PALM2AKAP2: variants seen among roughly 807,000 people sequenced by gnomAD.
The protein encoded by PALM2AKAP2 is PALM2-AKAP2 fusion protein.
A neutral mutation model predicts 71.5 loss-of-function variants in PALM2AKAP2; 37 were observed. The observed-to-expected ratio is 0.52, with a 90% CI of 0.40 to 0.68. The LOEUF is 0.68. Ranked by LOEUF, PALM2AKAP2 falls within the 30% of genes least tolerant of loss-of-function variation. PALM2AKAP2 has a pLI of 0.00. For synonymous variants in PALM2AKAP2, 468 were observed against 478.8 expected, an observed-to-expected ratio of 0.98 and a Z score of 0.29; for missense variants, 1,224 against 1,191.8, an observed-to-expected ratio of 1.03 and a Z score of -0.40.
chr9:110,075,390 A>C (rs971500133), intron 1 of PALM2AKAP2, among the ~76,000 whole-genome samples: 1 of 152,246 alleles, frequency 6.6e-6, no homozygotes, highest in East Asian at 1.9e-4. Context: ...AAAAACATAT[A>C]ATTTCCCTCT....
chr9:109,676,086 G>A (rs1233043215), intron 1 of PALM2AKAP2, among the ~76,000 whole-genome samples: 1 of 152,170 alleles, frequency 6.6e-6, no homozygotes. Context: ...ATGGAGTTGG[G>A]TAGAGAAAAG....
intron 7 of PALM2AKAP2, among the ~76,000 whole-genome samples, chr9:110,028,481 G>T (rs375214646): frequency 5.3e-4 from 80 of 152,268 alleles, no homozygotes; most frequent in African/African-American, 1.6e-3. Context: ...TCCTCCAGAT[G>T]ACTCTGCTAA....
chr9:110,095,576 G>T lies in PALM2AKAP2; in HGVS notation c.157-40551G>T, dbSNP rs1588106042. On this transcript the variant is annotated intron_variant, in intron 1 of 3. Transcript: ENST00000374525. ...ATGTGGACCCTCAGCTATGAAAACA[G>T]ATCACATATGGCCTGCTGTCAAGCA... is the stretch of plus-strand genomic sequence containing the variant. 3.3e-5 allele frequency among the ~76,000 whole-genome samples: 5 copies of T among 152,102 alleles called. No homozygotes were observed. The South Asian group carries it at 1.0e-3, about 32-fold the overall frequency.
chr9:109,846,508 C>T (rs1292469980), intron 1 of PALM2AKAP2, among the ~76,000 whole-genome samples: 1 of 152,208 alleles, frequency 6.6e-6, no homozygotes, highest in Non-Finnish European at 1.5e-5. Context: ...GAGAAGGCAC[C>T]AGGCCTACTG....
chr9:109,845,651 G>C (rs758089829), intron 1 of PALM2AKAP2, among the ~76,000 whole-genome samples: 3 of 152,166 alleles, frequency 2.0e-5, no homozygotes, highest in Non-Finnish European at 4.4e-5. Context: ...GAGAACTCTA[G>C]CTGGTCTCAG....
intron 1 of PALM2AKAP2, among the ~76,000 whole-genome samples, chr9:110,118,584 G>C (rs1835417917): frequency 6.6e-6 from 1 of 152,060 alleles, no homozygotes; most frequent in African/African-American, 2.4e-5. Flanking sequence ...TCTCCTCCAG[G>C]TGCCTAATCA....
chr9:109,942,650 G>A lies in PALM2AKAP2; in HGVS notation c.496+10622G>A, dbSNP rs200223091. On this transcript the variant is annotated intron_variant, in intron 6 of 9. Transcript: ENST00000302798. ...TAACCATTCACTGGCTTTTTTTGTTGTAACATGCACTTCCTTTCTCTTGTT... is the reference window on the plus strand; with the variant it reads ...TAACCATTCACTGGCTTTTTTTGTTATAACATGCACTTCCTTTCTCTTGTT... 23 of 1,509,154 alleles carry A rather than the reference G, an allele frequency of 1.5e-5. No individual in the cohort carries two copies. In the East Asian group the frequency reaches 5.0e-4, roughly 33 times the overall value. 93.5% of individuals were successfully genotyped at this position (1,509,154 alleles called of 1,614,324 possible).
intron 3 of PALM2AKAP2, among the ~76,000 whole-genome samples, chr9:110,165,324 ACACACG>A (rs1836709588): frequency 7.0e-6 from 1 of 141,926 alleles, no homozygotes; most frequent in Non-Finnish European, 1.6e-5. Flanking sequence ...ACACACACAC[ACACACG>A]TCTGAATTAA....
At chr9:109,895,688 T>C (rs1201506853) in intron 3 of PALM2AKAP2, among the ~76,000 whole-genome samples, 1 of 152,224 alleles carries the variant, frequency 6.6e-6, no homozygotes, top group Non-Finnish European at 1.5e-5. Context: ...AGTGCTGTCA[T>C]ATGCCATGAC....
intron 1 of PALM2AKAP2, among the ~76,000 whole-genome samples, chr9:109,792,324 G>A (rs1200345523): frequency 1.3e-5 from 2 of 152,192 alleles, no homozygotes; most frequent in South Asian, 2.1e-4. Flanking sequence ...ACTGGGTCTC[G>A]CTATGTTGCT....
At chr9:110,127,107 G>A (rs1015997551) in intron 1 of PALM2AKAP2, among the ~76,000 whole-genome samples, 3 of 152,178 alleles carry the variant, frequency 2.0e-5, no homozygotes, top group Non-Finnish European at 2.9e-5. Context: ...GACCAATACC[G>A]TAGAAGCTCT....
At chr9:110,048,636 C>A, upstream of PALM2AKAP2, 4 of 1,448,404 alleles carry the variant, frequency 2.8e-6, no homozygotes, top group Admixed American at 1.0e-4. Context: ...AGGGGCGGGC[C>A]CCAGGAGCAG....
At chr9:109,910,483 T>A (rs1252588976) in intron 3 of PALM2AKAP2, among the ~76,000 whole-genome samples, 1 of 152,148 alleles carries the variant, frequency 6.6e-6, no homozygotes, top group East Asian at 1.9e-4. Context: ...ATAAGAACAA[T>A]AAAACAAATA....
intron 1 of PALM2AKAP2, among the ~76,000 whole-genome samples, chr9:109,749,359 T>C (rs1828851450): frequency 6.6e-6 from 1 of 151,966 alleles, no homozygotes; most frequent in Non-Finnish European, 1.5e-5. Flanking sequence ...AAGTCCCTAG[T>C]GCTGGGGAAT....
At chr9:110,125,860 G>A (rs373607887) in intron 1 of PALM2AKAP2, among the ~76,000 whole-genome samples, 1 of 151,722 alleles carries the variant, frequency 6.6e-6, no homozygotes, top group African/African-American at 2.4e-5. Context: ...TGCACATATA[G>A]TGCAAAGCTA....
At chr9:109,733,459 G>GA (rs1173554157) in intron 1 of PALM2AKAP2, among the ~76,000 whole-genome samples, 2 of 152,154 alleles carry the variant, frequency 1.3e-5, no homozygotes, top group African/African-American at 4.8e-5. Flanking sequence ...GGCAGAGTGA[G>GA]AACAGAGGCT....
chr9:109,810,430 G>T (rs757319784), intron 1 of PALM2AKAP2, among the ~76,000 whole-genome samples: 2 of 152,188 alleles, frequency 1.3e-5, no homozygotes, highest in African/African-American at 4.8e-5. Context: ...CTAGAAAGGG[G>T]CAGTGACCAT....
rs1489043914 is a variant in PALM2AKAP2 at position 109,702,726 on chromosome 9, G to A, written c.5+61860G>A. ...ACATGTACCTGCATGTTGTGCACAT[G>A]TGCCCTAAAACTTAAGGTATAATAA... On this transcript the variant is annotated intron_variant, in intron 1 of 6. Transcript: ENST00000374531. 1.1e-4 allele frequency among the ~76,000 whole-genome samples: 17 copies of A among 149,546 alleles called. 1 individual carries two copies. Among genetic ancestry groups the A allele is most frequent in the Admixed American group, 1.1e-3 (17 of 15,018 alleles).
At chr9:110,067,809 C>A (rs1014345244) in intron 1 of PALM2AKAP2, among the ~76,000 whole-genome samples, 3 of 152,160 alleles carry the variant, frequency 2.0e-5, no homozygotes, top group African/African-American at 7.2e-5. Context: ...CAACAATTTC[C>A]TTTATGTTGG....
Sources: allele counts gnomAD v4.1 joint callset (sites outside exome capture counted in the v4.1 genomes callset), GRCh38; gene constraint gnomAD v4.1.1; transcripts MANE v1.5; gene names NCBI Gene and HGNC (gene_info 2026-07-23, HGNC 2026-07-21).